The following CNPY2 variants were observed in gnomAD, a reference collection of about 807,000 sequenced individuals.
The protein encoded by CNPY2 is canopy FGF signaling regulator 2.
In CNPY2, 19 loss-of-function variants were observed where a neutral mutation model predicts 25.5. The observed-to-expected ratio is 0.74, with a 90% CI of 0.52 to 1.09. The LOEUF (loss-of-function observed/expected upper bound fraction) is 1.09, where lower values mean the gene tolerates loss of function less well. Ranked by LOEUF, CNPY2 falls within the 50% of genes least tolerant of loss-of-function variation. The pLI, the probability that CNPY2 is intolerant of heterozygous loss-of-function variation, is 0.00. For synonymous variants in CNPY2, 82 were observed against 85.0 expected (o/e 0.96, Z 0.19); for missense variants, 214 against 233.6 (o/e 0.92, Z 0.55).
At chr12:56,314,545 G>T in intron 3 of CNPY2, 1 of 1,193,316 alleles carries the variant, frequency 8.4e-7, no homozygotes, top group South Asian at 2.4e-5. Context: ...CTCAGATTTT[G>T]AACGGATGTT....
In CNPY2 at chr12:56,310,364, C is replaced by G; in HGVS notation, c.*188G>C. On this transcript the variant is annotated 3_prime_UTR_variant, in exon 6 of 6. Coordinates refer to ENST00000273308, the MANE Select transcript of CNPY2 (RefSeq NM_014255.7). ...CTTTCTCCTCCATTATCTTTCCTGT[C>G]TATATAACTCCTTATCTTCAAGCTT... is the stretch of plus-strand genomic sequence containing the variant. 1 of 626,008 alleles carries G rather than the reference C, an allele frequency of 1.6e-6. No individual in the cohort carries two copies. Among genetic ancestry groups the G allele is most frequent in the East Asian group, 2.7e-5 (1 of 36,748 alleles). The allele number at this position is 626,008 out of a possible 1,614,324, so 38.8% of individuals were successfully genotyped here.
chr12:56,309,923 A>T lies in CNPY2; in HGVS notation c.*629T>A. Reference sequence around the variant, plus strand: ...TGGCAAGCAAGGCCTCTCATTAAACAACCTTCCTTACCTCGTCTGTCCCTA... The same window carrying T: ...TGGCAAGCAAGGCCTCTCATTAAACTACCTTCCTTACCTCGTCTGTCCCTA... On this transcript the variant is annotated 3_prime_UTR_variant, in exon 6 of 6. Transcript: ENST00000273308. The T allele has an allele frequency of 1.4e-6, 1 of 702,308 alleles. No individual in the cohort carries two copies. The allele number at this position is 702,308 out of a possible 1,614,324, so 43.5% of individuals were successfully genotyped here.
intron 3 of CNPY2, chr12:56,311,701 A>C (rs1208135935): frequency 2.6e-6 from 1 of 392,150 alleles, no homozygotes; most frequent in Non-Finnish European, 4.8e-6. Context: ...ACAGGCATGC[A>C]CCACCACACC....
rs752138168 is a variant in CNPY2, at chr12:56,311,069, G to T, written c.409-15C>A. Reference sequence around the variant, plus strand: ...ATGCTCTCACACTGCCAACCCAAGGGAGAAATGGGTGACACAGGGCAATAA... The same window carrying T: ...ATGCTCTCACACTGCCAACCCAAGGTAGAAATGGGTGACACAGGGCAATAA... On this transcript the variant is annotated splice_polypyrimidine_tract_variant and intron_variant, in intron 4 of 5. Coordinates refer to ENST00000273308, the MANE Select transcript of CNPY2 (RefSeq NM_014255.7). 1.2e-6 allele frequency: 2 copies of T among 1,613,222 alleles called. No homozygotes were observed. The highest frequency in any genetic ancestry group is 1.7e-6 in the Non-Finnish European group (2 of 1,179,312).
chr12:56,311,609 T>A, intron 3 of CNPY2, 195 bp from the exon 4 acceptor site: 1 of 636,984 alleles, frequency 1.6e-6, no homozygotes, highest in South Asian at 1.7e-5. Flanking sequence ...TGGAGTGCAT[T>A]GGCGCCATCT....
intron 3 of CNPY2, chr12:56,314,373 T>C: frequency 1.4e-5 from 13 of 937,672 alleles, no homozygotes; most frequent in Non-Finnish European, 1.7e-5. Context: ...TGTTTTGCCA[T>C]GATGCCCAGG....
intron 3 of CNPY2, 79 bp downstream of exon 3, chr12:56,314,772 A>C: frequency 5.6e-6 from 9 of 1,608,358 alleles, no homozygotes; most frequent in Non-Finnish European, 7.6e-6. Flanking sequence ...TTTCTATTAA[A>C]CCAAGGTCCT....
rs1873679855 is a variant in CNPY2 at position 56,310,282 on chromosome 12, A to G, written c.*270T>C. On this transcript the variant is annotated 3_prime_UTR_variant, in exon 6 of 6. Coordinates refer to ENST00000273308, the MANE Select transcript of CNPY2 (RefSeq NM_014255.7). ...AGTGGAGTGGAATCTCAGAAGGTAG[A>G]AGAATTAAAGGTTCAGGCCTCTCCT... 2 of 598,284 alleles carry G rather than the reference A, an allele frequency of 3.3e-6. No homozygotes were observed. Among genetic ancestry groups the G allele is most frequent in the Non-Finnish European group, 5.9e-6 (2 of 337,788 alleles). 37.1% of individuals were successfully genotyped at this position (598,284 alleles called of 1,614,324 possible).
intron 3 of CNPY2, chr12:56,313,020 T>C (rs1036969969): frequency 6.6e-6 from 1 of 152,210 alleles, no homozygotes; most frequent in African/African-American, 2.4e-5. Context: ...CTGAGATACA[T>C]GTGCAGAACG....
rs1406257988 is a variant in CNPY2, at chr12:56,315,247, G to C, written c.-25-5C>G. 6.4e-7 allele frequency: 1 copy of C among 1,556,384 alleles called. No homozygotes were observed. Among genetic ancestry groups the C allele is most frequent in the Middle Eastern group, 1.7e-4 (1 of 5,914 alleles). On this transcript the variant is annotated splice_region_variant and splice_polypyrimidine_tract_variant and intron_variant, in intron 1 of 5. Coordinates refer to ENST00000273308, the MANE Select transcript of CNPY2 (RefSeq NM_014255.7). ...AGCGTAATGGGGTCGCTCCACCTGG[G>C]TTTGAGTGGGAATAAAACATAAGTG...
chr12:56,311,062 C>T lies in CNPY2; in HGVS notation c.409-8G>A. On this transcript the variant is annotated splice_polypyrimidine_tract_variant and splice_region_variant and intron_variant, in intron 4 of 5. Coordinates refer to ENST00000273308, the MANE Select transcript of CNPY2 (RefSeq NM_014255.7). ...CTCCACAATGCTCTCACACTGCCAA[C>T]CCAAGGGAGAAATGGGTGACACAGG... 6.2e-7 allele frequency: 1 copy of T among 1,613,928 alleles called. No homozygotes were observed. The highest frequency in any genetic ancestry group is 1.6e-4 in the Middle Eastern group (1 of 6,062).
chr12:56,315,483 T>C (rs1289597238), intron 1 of CNPY2, among the ~76,000 whole-genome samples: 2 of 152,186 alleles, frequency 1.3e-5, no homozygotes, highest in Non-Finnish European at 2.9e-5. Context: ...TCTACGTGGA[T>C]AGGTGAGGCC....
At chr12:56,310,746 T>G in intron 5 of CNPY2, 151 bp from the exon 6 acceptor site, 2 of 886,902 alleles carry the variant, frequency 2.3e-6, no homozygotes, top group Non-Finnish European at 3.6e-6. Flanking sequence ...ATCCCCACTG[T>G]CCTCTCACCT....
chr12:56,312,846 C>T (rs773070865), intron 3 of CNPY2: 5 of 152,172 alleles, frequency 3.3e-5, no homozygotes, highest in Non-Finnish European at 5.9e-5. Flanking sequence ...GCTGGGACTA[C>T]AGGCATGAAC....
At chr12:56,314,696 G>T (rs1462066517) in intron 3 of CNPY2, 155 bp downstream of exon 3, 1 of 1,494,160 alleles carries the variant, frequency 6.7e-7, no homozygotes, top group Non-Finnish European at 8.9e-7. Context: ...AGTGCATGGG[G>T]AATAAGCCTG....
chr12:56,311,286 C>A lies in CNPY2; in HGVS notation c.333G>T (p.Arg111=). 3 of 1,614,168 alleles carry A rather than the reference C, an allele frequency of 1.9e-6. No individual in the cohort carries two copies. The South Asian group carries it at 3.3e-5, about 18-fold the overall frequency. ...GGTCCAGTTCACTGGATTCTCCATTCCGGCCCACTACACGTACGTAGTTCT... is the reference window on the plus strand; with the variant it reads ...GGTCCAGTTCACTGGATTCTCCATTACGGCCCACTACACGTACGTAGTTCT... ...HRKNYVRVVG[R]NGESSELDLQ... Residue 111 remains arginine, a synonymous_variant, in exon 4 of 6, where the codon CGG becomes CGT. Coordinates refer to ENST00000273308, the MANE Select transcript of CNPY2 (RefSeq NM_014255.7).
chr12:56,310,220 T>C lies in CNPY2; in HGVS notation c.*332A>G, dbSNP rs1873678613. The C allele has an allele frequency of 1.7e-6, 1 of 602,194 alleles. No individual in the cohort carries two copies. The highest frequency in any genetic ancestry group is 2.9e-6 in the Non-Finnish European group (1 of 340,730). The allele number at this position is 602,194 out of a possible 1,614,324, so 37.3% of individuals were successfully genotyped here. A position where few individuals can be genotyped will look rare whatever the true frequency, so the allele number is the denominator to read the frequency against. On this transcript the variant is annotated 3_prime_UTR_variant, in exon 6 of 6. Coordinates refer to ENST00000273308, the MANE Select transcript of CNPY2 (RefSeq NM_014255.7). ...ACAATTAGACTCTAAAGACGTGGTATTGAGTGGGCACTGACTGAAAGCTTA... is the reference window on the plus strand; with the variant it reads ...ACAATTAGACTCTAAAGACGTGGTACTGAGTGGGCACTGACTGAAAGCTTA...
At chr12:56,315,384 G>A (rs902791271) in intron 1 of CNPY2, 142 bp from the exon 2 acceptor site, 2 of 617,514 alleles carry the variant, frequency 3.2e-6, no homozygotes, top group East Asian at 5.5e-5. Flanking sequence ...GACACAAAGG[G>A]GCTTCTCTGT....
chr12:56,309,948 A>G lies in CNPY2; in HGVS notation c.*604T>C, dbSNP rs1465511101. 1 of 702,332 alleles carries G rather than the reference A, an allele frequency of 1.4e-6. No homozygotes were observed. Among genetic ancestry groups the G allele is most frequent in the East Asian group, 2.7e-5 (1 of 37,278 alleles). The allele number at this position is 702,332 out of a possible 1,614,324, so 43.5% of individuals were successfully genotyped here. A position where few individuals can be genotyped will look rare whatever the true frequency, so the allele number is the denominator to read the frequency against. On this transcript the variant is annotated 3_prime_UTR_variant, in exon 6 of 6. Transcript: ENST00000273308. The stretch of plus-strand genomic sequence containing the variant: ...AACCTTCCTTACCTCGTCTGTCCCT[A>G]TCCGATAAAGCCCTTACTTTTCAGC...
Sources: allele counts gnomAD v4.1 joint callset (sites outside exome capture counted in the v4.1 genomes callset), GRCh38; gene constraint gnomAD v4.1.1; transcripts MANE v1.5; gene names NCBI Gene and HGNC (gene_info 2026-07-23, HGNC 2026-07-21).